ADCY2: variants seen among roughly 807,000 people sequenced by gnomAD.
ADCY2 encodes the protein adenylate cyclase type 2.
ADCY2 carries 31 observed loss-of-function variants against 125.2 expected under a neutral mutation model. That is an observed-to-expected ratio of 0.25 (90% CI 0.19 to 0.33). The LOEUF (loss-of-function observed/expected upper bound fraction) is 0.33, where lower values mean the gene tolerates loss of function less well. Ranked by LOEUF, ADCY2 falls within the 10% of genes least tolerant of loss-of-function variation. ADCY2 has a pLI of 1.00. For synonymous variants in ADCY2, 512 were observed against 548.4 expected (o/e 0.93, Z 0.93); for missense variants, 904 against 1,418.2 (o/e 0.64, Z 5.82).
intron 3 of ADCY2, among the ~76,000 whole-genome samples, chr5:7,567,181 T>C (rs751188464): frequency 6.6e-6 from 1 of 152,214 alleles, no homozygotes; most frequent in Admixed American, 6.5e-5. Context: ...ATTTTATTGC[T>C]GCAGGCTTTG....
At chr5:7,620,858 A>G (rs151162848) in intron 3 of ADCY2, among the ~76,000 whole-genome samples, 33 of 152,118 alleles carry the variant, frequency 2.2e-4, no homozygotes, top group Non-Finnish European at 3.7e-4. Context: ...ATCAAATGCT[A>G]TAACTTTTCT....
At chr5:7,743,867 C>T (rs1438653624) in intron 15 of ADCY2, 115 bp downstream of exon 15, 1 of 939,236 alleles carries the variant, frequency 1.1e-6, no homozygotes, top group Admixed American at 2.1e-5. Context: ...TCAAGAACTC[C>T]AGATCCCAGT....
At chr5:7,651,516 A>C (rs1561145568) in intron 4 of ADCY2, among the ~76,000 whole-genome samples, 1 of 152,268 alleles carries the variant, frequency 6.6e-6, no homozygotes, top group East Asian at 1.9e-4. Flanking sequence ...CACGAGAAAA[A>C]GATGAGGCTG....
At chr5:7,625,271 A>C (rs1027499575) in intron 3 of ADCY2, among the ~76,000 whole-genome samples, 2 of 152,260 alleles carry the variant, frequency 1.3e-5, no homozygotes, top group African/African-American at 2.4e-5. Flanking sequence ...TTGTTTCTAC[A>C]GAACTTACAT....
At position 7,826,902 on chromosome 5, in the gene ADCY2, T is replaced by C; in HGVS notation, c.*31T>C. 1 of 1,574,938 alleles carries C rather than the reference T, an allele frequency of 6.3e-7. No homozygotes were observed. The highest frequency in any genetic ancestry group is 2.2e-5 in the East Asian group (1 of 44,720). On this transcript the variant is annotated 3_prime_UTR_variant, in exon 25 of 25. Coordinates refer to ENST00000338316, the MANE Select transcript of ADCY2 (RefSeq NM_020546.3). ...CACCTTCATTTTGGCAAGAAGACTG[T>C]ATTTTCAGGAAGGTATCACACACTT...
At chr5:7,786,791 G>T (rs919549552) in intron 19 of ADCY2, among the ~76,000 whole-genome samples, 3 of 152,136 alleles carry the variant, frequency 2.0e-5, no homozygotes, top group African/African-American at 7.2e-5. Flanking sequence ...CTGTTGTTTT[G>T]TAGGAGAGCT....
chr5:7,600,981 C>G (rs1737181939), intron 3 of ADCY2, among the ~76,000 whole-genome samples: 1 of 152,122 alleles, frequency 6.6e-6, no homozygotes, highest in African/African-American at 2.4e-5. Flanking sequence ...ACTGGTGTTA[C>G]AAATTTTCAA....
chr5:7,764,714 G>C (rs1342105127), intron 16 of ADCY2, among the ~76,000 whole-genome samples: 1 of 152,168 alleles, frequency 6.6e-6, no homozygotes, highest in Non-Finnish European at 1.5e-5. Context: ...AAATTAAATT[G>C]GGTCCAGAGA....
chr5:7,618,640 G>A (rs924271157), intron 3 of ADCY2, among the ~76,000 whole-genome samples: 7 of 152,192 alleles, frequency 4.6e-5, no homozygotes, highest in African/African-American at 1.4e-4. Flanking sequence ...CTATTAAGTG[G>A]TGGTGAATGA....
At chr5:7,533,169 A>G (rs1249861301) in intron 3 of ADCY2, among the ~76,000 whole-genome samples, 1 of 151,284 alleles carries the variant, frequency 6.6e-6, no homozygotes, top group Non-Finnish European at 1.5e-5. Flanking sequence ...TTTTCCTGTG[A>G]AAATATTTCT....
At chr5:7,608,465 A>G (rs1561122974) in intron 3 of ADCY2, among the ~76,000 whole-genome samples, 1 of 152,126 alleles carries the variant, frequency 6.6e-6, no homozygotes, top group Non-Finnish European at 1.5e-5. Context: ...AATCCTAGCT[A>G]CTTGGGAGAT....
intron 3 of ADCY2, among the ~76,000 whole-genome samples, chr5:7,573,599 T>C (rs1199494036): frequency 5.6e-4 from 81 of 143,442 alleles, no homozygotes; most frequent in Non-Finnish European, 8.5e-4. Context: ...TTTTCTTTTT[T>C]TTTTTTTTTT....
At chr5:7,817,823 C>CAAAA (rs57731885) in intron 23 of ADCY2, among the ~76,000 whole-genome samples, 64 of 78,298 alleles carry the variant, frequency 8.2e-4, no homozygotes, top group Non-Finnish European at 1.3e-3. Context: ...ACGCTGTCAC[C>CAAAA]AAAAAAAAAA....
intron 4 of ADCY2, among the ~76,000 whole-genome samples, chr5:7,677,010 C>G (rs1193100034): frequency 6.6e-6 from 1 of 152,172 alleles, no homozygotes. Flanking sequence ...GGTGCGGTGG[C>G]TCACACCTGT....
chr5:7,616,060 A>G (rs974907825), intron 3 of ADCY2, among the ~76,000 whole-genome samples: 3 of 152,206 alleles, frequency 2.0e-5, no homozygotes, highest in Non-Finnish European at 2.9e-5. Context: ...TTAAGTTGCT[A>G]TGACCTCACT....
Position 7,665,869 on chromosome 5 carries a change from C to G in ADCY2, c.721-24822C>G, listed in dbSNP as rs1283323623. ...TTTTTTTTTTTTTGAGACAGAATCT[C>G]GCTCTGTAGCCCAGGCTGGAGTGCA... is the stretch of plus-strand genomic sequence containing the variant. On this transcript the variant is annotated intron_variant, in intron 4 of 24. Coordinates refer to ENST00000338316, the MANE Select transcript of ADCY2 (RefSeq NM_020546.3). Among the ~76,000 whole-genome samples the G allele has an allele frequency of 4.0e-5, 4 of 99,442 alleles. No homozygotes were observed. In the East Asian group the frequency reaches 1.3e-3, roughly 33 times the overall value. 65.2% of individuals were successfully genotyped at this position (99,442 alleles called of 152,430 possible).
At chr5:7,465,560 G>A (rs1742083959) in intron 2 of ADCY2, among the ~76,000 whole-genome samples, 1 of 152,186 alleles carries the variant, frequency 6.6e-6, no homozygotes, top group African/African-American at 2.4e-5. Flanking sequence ...GGTACAAGGT[G>A]TATTTGGGAT....
intron 3 of ADCY2, among the ~76,000 whole-genome samples, chr5:7,541,346 A>G (rs2126560912): frequency 6.6e-6 from 1 of 152,362 alleles, no homozygotes; most frequent in African/African-American, 2.4e-5. Context: ...AAATGAAAAT[A>G]TATTCACCAG....
intron 4 of ADCY2, among the ~76,000 whole-genome samples, chr5:7,659,234 C>T (rs989376444): frequency 2.6e-5 from 4 of 152,238 alleles, no homozygotes; most frequent in African/African-American, 9.6e-5. Context: ...CAGCTGTTCA[C>T]TCTATTCAAT....
Sources: gnomAD v4.1 joint callset for allele counts (sites outside exome capture counted in the v4.1 genomes callset) on GRCh38, gnomAD v4.1.1 for gene constraint, MANE v1.5 for transcripts, NCBI Gene and HGNC (gene_info 2026-07-23, HGNC 2026-07-21) for gene names.